Variants in NRG3 observed in about 807,000 individuals in gnomAD.
NRG3 encodes neuregulin 3.
In NRG3, 31 loss-of-function variants were observed where a neutral mutation model predicts 66.9. The ratio of observed to expected loss-of-function variants is 0.46; its 90% CI spans 0.35 to 0.63. NRG3 has a LOEUF of 0.63. Ranked by LOEUF, NRG3 falls within the 20% of genes least tolerant of loss-of-function variation. The probability of loss-of-function intolerance (pLI) is 0.00; values close to 1 mark genes in which losing one functional copy is unlikely to be tolerated. For synonymous variants in NRG3, 393 were observed against 359.4 expected (o/e 1.09, Z -1.06); for missense variants, 910 against 878.9 (o/e 1.04, Z -0.45).
In NRG3 at chr10:82,788,444, T is replaced by A. The variant is rs547925975; in HGVS notation, c.1027+49794T>A. Among the ~76,000 whole-genome samples the A allele has an allele frequency of 4.1e-4, 63 of 152,026 alleles. No homozygotes were observed. In the South Asian group the frequency reaches 0.013, roughly 31 times the overall value. ...AATTACCTGGGCATGGTGGTGCATG[T>A]CCGTAGTCCCAGCTACTCGGGAGGC... On this transcript the variant is annotated intron_variant, in intron 3 of 8. Coordinates refer to ENST00000372141, the MANE Select transcript of NRG3 (RefSeq NM_001010848.4).
At chr10:82,822,116 C>T (rs565282677) in intron 3 of NRG3, among the ~76,000 whole-genome samples, 90 of 152,124 alleles carry the variant, frequency 5.9e-4, no homozygotes, top group Admixed American at 6.5e-5. Context: ...ACAGAACTGG[C>T]GAAAACAGCT....
At chr10:82,966,096 G>A (rs2132511646) in intron 6 of NRG3, among the ~76,000 whole-genome samples, 1 of 152,188 alleles carries the variant, frequency 6.6e-6, no homozygotes, top group Middle Eastern at 3.4e-3. Context: ...TATTAACCTT[G>A]TATATTAGTA....
At chr10:82,274,401 T>A (rs1340429153) in intron 1 of NRG3, among the ~76,000 whole-genome samples, 1 of 151,456 alleles carries the variant, frequency 6.6e-6, no homozygotes, top group Non-Finnish European at 1.5e-5. Flanking sequence ...GAAGAATTAG[T>A]TGTCAGATCT....
intron 3 of NRG3, among the ~76,000 whole-genome samples, chr10:82,777,739 A>T (rs1382578248): frequency 6.6e-6 from 1 of 152,172 alleles, no homozygotes; most frequent in Non-Finnish European, 1.5e-5. Flanking sequence ...TTGAGCACTG[A>T]GAGAGGGGGT....
At chr10:82,414,884 CCTT>C (rs1190431167) in intron 2 of NRG3, among the ~76,000 whole-genome samples, 6 of 152,154 alleles carry the variant, frequency 3.9e-5, no homozygotes, top group Non-Finnish European at 5.9e-5. Flanking sequence ...AGGAAGAACT[CCTT>C]CTTTCTGAAA....
chr10:82,979,487 A>T (rs1219641606), intron 8 of NRG3, among the ~76,000 whole-genome samples: 9 of 152,226 alleles, frequency 5.9e-5, no homozygotes, highest in Non-Finnish European at 1.2e-4. Flanking sequence ...GAATTCTCTG[A>T]TAAGTATTGT....
At chr10:82,145,809 T>A (rs1406090614) in intron 1 of NRG3, among the ~76,000 whole-genome samples, 1 of 152,200 alleles carries the variant, frequency 6.6e-6, no homozygotes, top group Non-Finnish European at 1.5e-5. Context: ...ACATTGCTTT[T>A]CTGGTTATAT....
chr10:82,866,711 A>C (rs2135956478), intron 4 of NRG3, among the ~76,000 whole-genome samples: 1 of 152,338 alleles, frequency 6.6e-6, no homozygotes, highest in Middle Eastern at 3.4e-3. Context: ...GAAATCAATT[A>C]GTAGTCATCA....
intron 7 of NRG3, among the ~76,000 whole-genome samples, chr10:82,974,647 G>A (rs1343773778): frequency 6.6e-6 from 1 of 152,100 alleles, no homozygotes; most frequent in African/African-American, 2.4e-5. Context: ...GAAGACTTAA[G>A]CTTCCTTTTC....
At chr10:81,931,287 C>T (rs950402225) in intron 1 of NRG3, among the ~76,000 whole-genome samples, 1 of 152,122 alleles carries the variant, frequency 6.6e-6, no homozygotes, top group African/African-American at 2.4e-5. Context: ...AAAGTTTGAT[C>T]CAAGGGATCA....
intron 1 of NRG3, among the ~76,000 whole-genome samples, chr10:81,961,498 AAT>A (rs1850360794): frequency 6.6e-6 from 1 of 152,134 alleles, no homozygotes; most frequent in Non-Finnish European, 1.5e-5. Flanking sequence ...CTAATGAACT[AAT>A]GAACTAATAC....
At chr10:82,127,162 C>A (rs563238489) in intron 1 of NRG3, among the ~76,000 whole-genome samples, 4 of 152,158 alleles carry the variant, frequency 2.6e-5, no homozygotes, top group African/African-American at 7.2e-5. Flanking sequence ...GCTGCAAGGG[C>A]AGCTTAAGTT....
At chr10:82,190,176 A>C (rs2074055873) in intron 1 of NRG3, among the ~76,000 whole-genome samples, 1 of 152,114 alleles carries the variant, frequency 6.6e-6, no homozygotes, top group Non-Finnish European at 1.5e-5. Flanking sequence ...CCTACTTTCT[A>C]AAGTTGCTGA....
At chr10:81,909,627 A>G (rs7894465) in intron 1 of NRG3, among the ~76,000 whole-genome samples, 2,878 of 152,284 alleles carry the variant, frequency 0.019, 81 homozygotes, top group African/African-American at 0.063. Context: ...ACAACAACAT[A>G]AAAGGCCTAT....
chr10:82,185,333 T>C (rs1407348681), intron 1 of NRG3, among the ~76,000 whole-genome samples: 1 of 152,200 alleles, frequency 6.6e-6, no homozygotes, highest in East Asian at 1.9e-4. Context: ...TGTTTGGGCA[T>C]TAAGTAAGTA....
At chr10:82,061,106 A>C (rs2064118250) in intron 1 of NRG3, among the ~76,000 whole-genome samples, 1 of 152,214 alleles carries the variant, frequency 6.6e-6, no homozygotes, top group Non-Finnish European at 1.5e-5. Context: ...TAATGCCAGC[A>C]CTTTGGGAGG....
chr10:82,090,042 C>G (rs1370430855), intron 1 of NRG3, among the ~76,000 whole-genome samples: 1 of 152,166 alleles, frequency 6.6e-6, no homozygotes, highest in Non-Finnish European at 1.5e-5. Context: ...CTTTCTGACT[C>G]TGAATACATA....
At chr10:82,615,518 T>G (rs1287029864) in intron 2 of NRG3, among the ~76,000 whole-genome samples, 1 of 152,212 alleles carries the variant, frequency 6.6e-6, no homozygotes, top group African/African-American at 2.4e-5. Flanking sequence ...AACAATTTCT[T>G]GTAGTGTCTT....
intron 1 of NRG3, among the ~76,000 whole-genome samples, chr10:81,939,317 T>G (rs1336329080): frequency 1.3e-5 from 2 of 152,082 alleles, no homozygotes; most frequent in Non-Finnish European, 1.5e-5. Flanking sequence ...TTCAAGTTTT[T>G]AGAAGAGTTT....
Sources: allele counts gnomAD v4.1 joint callset (sites outside exome capture counted in the v4.1 genomes callset), GRCh38; gene constraint gnomAD v4.1.1; transcripts MANE v1.5; gene names NCBI Gene and HGNC (gene_info 2026-07-23, HGNC 2026-07-21).